Variants in MACO1 observed in about 807,000 individuals in gnomAD.
MACO1 encodes macoilin.
MACO1 carries 14 observed loss-of-function variants against 78.7 expected under a neutral mutation model. The observed-to-expected ratio is 0.18, with a 90% confidence interval of 0.12 to 0.28. The LOEUF is 0.28. Among genes scored for constraint, MACO1 ranks in the 10% least tolerant of loss-of-function variants. The probability of loss-of-function intolerance (pLI) is 1.00; values close to 1 mark genes in which losing one functional copy is unlikely to be tolerated. For missense variants in MACO1, 501 were observed against 799.0 expected (o/e 0.63, Z 4.50); for synonymous variants, 288 against 291.6 (o/e 0.99, Z 0.12).
At chr1:25,498,199 CCCCTGGGGACATTGTGTTGGGTGAGGCCT>C in intron 10 of MACO1, 36 bp from the exon 11 acceptor site, 1 of 1,553,920 alleles carries the variant, frequency 6.4e-7, no homozygotes, top group Non-Finnish European at 8.8e-7. Context: ...TAGGGATTGG[CCCCTGGGGACATTGTGTTGGGTGAGGCCT>C]CCCTTTTCAC....
chr1:25,456,699 G>T lies in MACO1; in HGVS notation c.520G>T (p.Val174Leu), dbSNP rs536920971. ...VTLGFGFKSY[V>L]SYKMRLRKQK... ...TTTGGGGTTTGGCTTCAAAAGTTAC[G>T]TAAGCTACAAAATGCGGTTAAGGAA... Residue 174 changes from valine to leucine, a missense_variant, in exon 5 of 11, where the codon GTA (valine) becomes TTA (leucine). Val to Leu is a conservative substitution (Grantham distance 32). Transcript: ENST00000374343. The T allele has an allele frequency of 3.1e-6, 5 of 1,613,688 alleles. No individual in the cohort carries two copies. The African/African-American group carries it at 5.3e-5, about 17-fold the overall frequency.
chr1:25,434,880 G>A (rs913483202), intron 1 of MACO1, among the ~76,000 whole-genome samples: 2 of 152,126 alleles, frequency 1.3e-5, no homozygotes, highest in Non-Finnish European at 1.5e-5. Flanking sequence ...CAGGTGAGGT[G>A]AGGTTAGGGT....
chr1:25,444,726 A>G (rs1052956979), intron 1 of MACO1, among the ~76,000 whole-genome samples: 15 of 151,948 alleles, frequency 9.9e-5, no homozygotes, highest in Non-Finnish European at 1.9e-4. Flanking sequence ...AGCTGGGACT[A>G]CAAGTGTGTG....
At chr1:25,494,255 G>T (rs1441768384) in intron 10 of MACO1, among the ~76,000 whole-genome samples, 1 of 152,212 alleles carries the variant, frequency 6.6e-6, no homozygotes, top group Non-Finnish European at 1.5e-5. Flanking sequence ...TGAGGTAGAG[G>T]CAGGGGGCTA....
chr1:25,446,138 T>A (rs955743514), intron 1 of MACO1, among the ~76,000 whole-genome samples: 1 of 152,210 alleles, frequency 6.6e-6, no homozygotes, highest in Non-Finnish European at 1.5e-5. Context: ...GTTTTTTCTT[T>A]AATGTACATT....
intron 6 of MACO1, among the ~76,000 whole-genome samples, chr1:25,476,997 G>A (rs1468014679): frequency 6.6e-6 from 1 of 152,192 alleles, no homozygotes; most frequent in African/African-American, 2.4e-5. Flanking sequence ...TAGAAATACA[G>A]TCCCAGCTTC....
chr1:25,482,966 A>C (rs1463470757), intron 6 of MACO1, among the ~76,000 whole-genome samples: 2 of 152,140 alleles, frequency 1.3e-5, no homozygotes, highest in Non-Finnish European at 2.9e-5. Context: ...CATTTAAATT[A>C]TGTATTTCTT....
intron 1 of MACO1, among the ~76,000 whole-genome samples, chr1:25,444,620 T>A (rs950848321): frequency 8.5e-5 from 13 of 152,248 alleles, no homozygotes; most frequent in Admixed American, 5.9e-4. Context: ...AGGGTCTTGC[T>A]CTGTCACCCA....
intron 4 of MACO1, among the ~76,000 whole-genome samples, 193 bp downstream of exon 4, chr1:25,454,575 G>T (rs1008878328): frequency 1.3e-5 from 2 of 149,676 alleles, no homozygotes; most frequent in Non-Finnish European, 3.0e-5. Flanking sequence ...TCTGCCTCCC[G>T]GCTTCAAGCG....
At chr1:25,488,816 T>G (rs148222374) in intron 8 of MACO1, among the ~76,000 whole-genome samples, 129 of 151,936 alleles carry the variant, frequency 8.5e-4, no homozygotes, top group African/African-American at 2.9e-3. Context: ...TTTTATTTAT[T>G]TATTTATTTA....
chr1:25,458,986 A>G (rs1443044615), intron 6 of MACO1, 94 bp downstream of exon 6: 20 of 1,454,822 alleles, frequency 1.4e-5, no homozygotes, highest in African/African-American at 2.8e-5. Context: ...ATTGTTTGTA[A>G]TCAGATATTG....
At chr1:25,457,525 A>T (rs1045408345) in intron 5 of MACO1, among the ~76,000 whole-genome samples, 2 of 152,228 alleles carry the variant, frequency 1.3e-5, no homozygotes, top group African/African-American at 4.8e-5. Context: ...AGATGTAGAC[A>T]TGTAGAATTG....
At chr1:25,455,945 AG>A (rs2043115952) in intron 4 of MACO1, among the ~76,000 whole-genome samples, 1 of 151,970 alleles carries the variant, frequency 6.6e-6, no homozygotes, top group Non-Finnish European at 1.5e-5. Context: ...CTACCTGTAA[AG>A]TCTCTACCCT....
intron 6 of MACO1, among the ~76,000 whole-genome samples, chr1:25,467,021 G>T (rs149710227): frequency 0.01 from 1,536 of 152,256 alleles, 25 homozygotes; most frequent in African/African-American, 0.034. Flanking sequence ...CACTTTGGGA[G>T]GCCAAGGCGG....
intron 6 of MACO1, among the ~76,000 whole-genome samples, chr1:25,482,937 C>G (rs2043393244): frequency 6.6e-6 from 1 of 152,112 alleles, no homozygotes; most frequent in South Asian, 2.1e-4. Context: ...TCATGGCCTT[C>G]CTTGTCTTAT....
In MACO1 at chr1:25,431,216, T is replaced by G. The variant is rs1330896894; in HGVS notation, c.80+38T>G. ...ACCCCCACTCCGCGGGCGCGGGCCC[T>G]GCGGTCCCCCTCCAGCTCCGAGGGG... On this transcript the variant is annotated intron_variant, in intron 1 of 10. Coordinates refer to ENST00000374343, the MANE Select transcript of MACO1 (RefSeq NM_018202.6). 5 of 1,518,682 alleles carry G rather than the reference T, an allele frequency of 3.3e-6. No homozygotes were observed. The South Asian group carries it at 3.6e-5, about 11-fold the overall frequency. 94.1% of individuals were successfully genotyped at this position (1,518,682 alleles called of 1,614,324 possible).
intron 6 of MACO1, among the ~76,000 whole-genome samples, chr1:25,482,376 G>A (rs911460477): frequency 2.6e-5 from 4 of 151,992 alleles, no homozygotes; most frequent in Non-Finnish European, 5.9e-5. Context: ...AGCCATCCTT[G>A]ACCTGACCTT....
At position 25,456,823 on chromosome 1, in the gene MACO1, C is replaced by T; in HGVS notation, c.644C>T (p.Ala215Val). ...ATGCTACAGAAGCAAGAAAAAGAGG[C>T]CGAGGAAGGTAGGTCTTTACCCTAA... Reference protein sequence around the residue: ...QQMLQKQEKEAEEAAKGLPDM... With the variant: ...QQMLQKQEKEVEEAAKGLPDM... The change falls in exon 5 of 11, where the codon GCC (alanine) becomes GTC (valine). Residue 215 changes from alanine to valine, a missense_variant. Transcript: ENST00000374343. 1 of 1,608,580 alleles carries T rather than the reference C, an allele frequency of 6.2e-7. No homozygotes were observed. The highest frequency in any genetic ancestry group is 8.5e-7 in the Non-Finnish European group (1 of 1,178,470).
intron 6 of MACO1, among the ~76,000 whole-genome samples, chr1:25,481,078 TA>T (rs1007330985): frequency 1.3e-5 from 2 of 151,386 alleles, no homozygotes; most frequent in Non-Finnish European, 2.9e-5. Context: ...CAAGGAACTC[TA>T]AAATTTCGCT....
Sources: gnomAD v4.1 joint callset for allele counts (sites outside exome capture counted in the v4.1 genomes callset) on GRCh38, gnomAD v4.1.1 for gene constraint, MANE v1.5 for transcripts, NCBI Gene and HGNC (gene_info 2026-07-23, HGNC 2026-07-21) for gene names.